The following CTNNA3 variants were observed in gnomAD, a reference collection of about 807,000 sequenced individuals.
CTNNA3 encodes the protein catenin alpha-3.
In CTNNA3, 76 loss-of-function variants were observed where a neutral mutation model predicts 95.7. The ratio of observed to expected loss-of-function variants is 0.79; its 90% CI spans 0.66 to 0.96. The LOEUF is 0.96. CTNNA3 is among the 40% of genes least tolerant of loss of function. CTNNA3 has a pLI of 0.00. For synonymous variants in CTNNA3, 431 were observed against 374.4 expected (o/e 1.15, Z -1.74); for missense variants, 1,191 against 1,089.8 (o/e 1.09, Z -1.31).
At chr10:65,990,834 G>A (rs927276267) in intron 15 of CTNNA3, among the ~76,000 whole-genome samples, 5 of 151,586 alleles carry the variant, frequency 3.3e-5, no homozygotes, top group South Asian at 2.1e-4. Flanking sequence ...TAAAATCTTC[G>A]TCTAGACCAA....
intron 12 of CTNNA3, among the ~76,000 whole-genome samples, chr10:66,310,222 CTA>C (rs2091999350): frequency 6.6e-6 from 1 of 151,936 alleles, no homozygotes; most frequent in South Asian, 2.1e-4. Context: ...GCCTTTGGTG[CTA>C]TCTTTCATGA....
chr10:66,053,459 C>T (rs571637084), intron 15 of CTNNA3, among the ~76,000 whole-genome samples: 1 of 152,068 alleles, frequency 6.6e-6, no homozygotes, highest in East Asian at 1.9e-4. Context: ...ATAAACGCAT[C>T]ATGGAGCATG....
chr10:66,469,199 C>T (rs1047675192), intron 11 of CTNNA3, among the ~76,000 whole-genome samples: 13 of 151,774 alleles, frequency 8.6e-5, no homozygotes, highest in Non-Finnish European at 1.9e-4. Flanking sequence ...AAGGAAAACA[C>T]TTAAATAGTA....
chr10:67,693,907 T>C (rs1266916255), intron 1 of CTNNA3, among the ~76,000 whole-genome samples: 4 of 152,178 alleles, frequency 2.6e-5, no homozygotes, highest in East Asian at 1.9e-4. Flanking sequence ...ATGTTTTCCC[T>C]ATAGAAAAAC....
intron 7 of CTNNA3, among the ~76,000 whole-genome samples, chr10:67,134,186 A>G (rs756544229): frequency 6.6e-6 from 1 of 152,158 alleles, no homozygotes; most frequent in African/African-American, 2.4e-5. Context: ...GATTACTTGA[A>G]GTAAGTAAAT....
At chr10:66,221,801 G>A (rs2088945246) in intron 13 of CTNNA3, among the ~76,000 whole-genome samples, 1 of 152,264 alleles carries the variant, frequency 6.6e-6, no homozygotes, top group Middle Eastern at 3.4e-3. Context: ...CTGGGAGCGG[G>A]GGAATCTCAT....
intron 3 of CTNNA3, among the ~76,000 whole-genome samples, chr10:67,585,434 T>C (rs1015617198): frequency 6.6e-6 from 1 of 152,204 alleles, no homozygotes; most frequent in Non-Finnish European, 1.5e-5. Context: ...GTATATTTGG[T>C]ACAATGCAGC....
At chr10:67,409,801 A>G (rs1845298228) in intron 5 of CTNNA3, among the ~76,000 whole-genome samples, 1 of 152,206 alleles carries the variant, frequency 6.6e-6, no homozygotes, top group African/African-American at 2.4e-5. Context: ...CAAAGCCACA[A>G]TGAGATACCA....
chr10:67,261,493 G>A (rs1333037745), intron 5 of CTNNA3, among the ~76,000 whole-genome samples: 2 of 152,120 alleles, frequency 1.3e-5, no homozygotes, highest in Admixed American at 1.3e-4. Flanking sequence ...ACAAATTAAG[G>A]CATCTTAATG....
At chr10:66,908,441 C>T (rs1183762887) in intron 7 of CTNNA3, among the ~76,000 whole-genome samples, 1 of 152,132 alleles carries the variant, frequency 6.6e-6, no homozygotes, top group Non-Finnish European at 1.5e-5. Flanking sequence ...TTGCATTTCA[C>T]CTGCTTTACC....
chr10:66,769,984 CT>C (rs1840022390), intron 8 of CTNNA3, among the ~76,000 whole-genome samples: 1 of 152,150 alleles, frequency 6.6e-6, no homozygotes, highest in South Asian at 2.1e-4. Flanking sequence ...GTACCTTTGT[CT>C]GGTATTAATG....
At position 67,260,728 on chromosome 10, in the gene CTNNA3, A is replaced by G. The variant is rs186055373; in HGVS notation, c.580-40858T>C. On this transcript the variant is annotated intron_variant, in intron 5 of 17. Transcript: ENST00000433211. Reference sequence around the variant, plus strand: ...AGGTGGAGTTTCACTCTTGTTGCCCAGCCTGGAGTGCAGTGGCTCAATCTC... The same window carrying G: ...AGGTGGAGTTTCACTCTTGTTGCCCGGCCTGGAGTGCAGTGGCTCAATCTC... Among the ~76,000 whole-genome samples, 1,364 of 151,462 alleles carry G rather than the reference A, an allele frequency of 9.0e-3. 12 individuals are homozygous for G. The highest frequency in any genetic ancestry group is 0.027 in the Middle Eastern group (8 of 294).
intron 9 of CTNNA3, among the ~76,000 whole-genome samples, chr10:66,688,827 A>G (rs937204532): frequency 2.7e-5 from 4 of 150,178 alleles, no homozygotes; most frequent in Admixed American, 6.6e-5. Context: ...AAAAAAAATT[A>G]GCCGGGCGTG....
chr10:67,037,155 G>C (rs1168404885), intron 7 of CTNNA3, among the ~76,000 whole-genome samples: 2 of 152,114 alleles, frequency 1.3e-5, no homozygotes, highest in Admixed American at 1.3e-4. Flanking sequence ...TAAACAAGTA[G>C]AGAGATGTTC....
intron 9 of CTNNA3, among the ~76,000 whole-genome samples, chr10:66,740,415 C>T (rs766136790): frequency 2.6e-5 from 4 of 152,194 alleles, no homozygotes; most frequent in Admixed American, 1.3e-4. Flanking sequence ...CACAGACAGA[C>T]ATTTTCAGAC....
rs1207509568 is a variant in CTNNA3, at chr10:67,110,823, T to TA, written c.1047+69493dup. On this transcript the variant is annotated intron_variant, in intron 7 of 17. Coordinates refer to ENST00000433211, the MANE Select transcript of CTNNA3 (RefSeq NM_013266.4). Reference sequence around the variant, plus strand: ...CCTTGAAAATATCTGTTATAATTTTTAAAAAAAGAAAATAAGGAAAAGAGA... The same window carrying TA: ...CCTTGAAAATATCTGTTATAATTTTTAAAAAAAAGAAAATAAGGAAAAGAGA... Among the ~76,000 whole-genome samples, 16 of 152,182 alleles carry TA rather than the reference T, an allele frequency of 1.1e-4. No homozygotes were observed. The East Asian group carries it at 2.7e-3, about 26-fold the overall frequency.
chr10:66,213,079 T>C (rs571602210), intron 13 of CTNNA3, among the ~76,000 whole-genome samples: 161 of 152,326 alleles, frequency 1.1e-3, no homozygotes, highest in African/African-American at 3.6e-3. Flanking sequence ...TTAAGACATA[T>C]TAATGTATTA....
rs1232731238 is a variant in CTNNA3, at chr10:65,916,260, A to G, written c.*4070T>C. 6.6e-6 allele frequency: 1 copy of G among 152,124 alleles called. No homozygotes were observed. Among genetic ancestry groups the G allele is most frequent in the Non-Finnish European group, 1.5e-5 (1 of 68,020 alleles). The allele number at this position is 152,124 out of a possible 1,614,324, so 9.4% of individuals were successfully genotyped here. On this transcript the variant is annotated 3_prime_UTR_variant, in exon 18 of 18. Coordinates refer to ENST00000433211, the MANE Select transcript of CTNNA3 (RefSeq NM_013266.4). ...TTAACTGAAATATTTCTGGCTTTAC[A>G]AACAGAAAAAATGAATATTTGATTC...
intron 7 of CTNNA3, among the ~76,000 whole-genome samples, chr10:67,023,907 T>C (rs1033558903): frequency 4.6e-5 from 7 of 152,242 alleles, no homozygotes; most frequent in African/African-American, 1.7e-4. Flanking sequence ...ATGAAATTCA[T>C]GGGTAAGAAG....
Sources: gnomAD v4.1 joint callset for allele counts (sites outside exome capture counted in the v4.1 genomes callset) on GRCh38, gnomAD v4.1.1 for gene constraint, MANE v1.5 for transcripts, NCBI Gene and HGNC (gene_info 2026-07-23, HGNC 2026-07-21) for gene names.